Variants in EXOG observed in about 807,000 individuals in gnomAD.
EXOG encodes nuclease EXOG, mitochondrial.
A neutral mutation model predicts 25.8 loss-of-function variants in EXOG; 27 were observed. The observed-to-expected ratio is 1.05, with a 90% CI of 0.77 to 1.45. EXOG has a LOEUF of 1.45. Ranked by LOEUF, EXOG falls within the 40% of genes most tolerant of loss-of-function variation. The pLI, the probability that EXOG is intolerant of heterozygous loss-of-function variation, is 0.00. For missense variants in EXOG, 458 were observed against 450.5 expected (o/e 1.02, Z -0.15); for synonymous variants, 133 against 167.0 (o/e 0.80, Z 1.57).
In EXOG at chr3:38,496,738, C is replaced by T. The variant is rs1219749064; in HGVS notation, c.163+208C>T. ...GCTTCCCTCATGTCCTTCCTTCCCCCGGGCATCTTCGTTTTCTGCACAGAA... is the reference window on the plus strand; with the variant it reads ...GCTTCCCTCATGTCCTTCCTTCCCCTGGGCATCTTCGTTTTCTGCACAGAA... On this transcript the variant is annotated intron_variant, in intron 1 of 5. Transcript: ENST00000287675. 11 of 1,446,692 alleles carry T rather than the reference C, an allele frequency of 7.6e-6. No homozygotes were observed. The East Asian group carries it at 1.3e-4, about 17-fold the overall frequency. 89.6% of individuals were successfully genotyped at this position (1,446,692 alleles called of 1,614,324 possible).
intron 5 of EXOG, among the ~76,000 whole-genome samples, chr3:38,521,494 G>GC (rs2060713468): frequency 6.6e-6 from 1 of 152,192 alleles, no homozygotes. Flanking sequence ...TTTGAAAATT[G>GC]CCGTTTGTTT....
At chr3:38,508,109 C>T (rs1476515574) in intron 5 of EXOG, among the ~76,000 whole-genome samples, 2 of 151,938 alleles carry the variant, frequency 1.3e-5, no homozygotes, top group South Asian at 2.1e-4. Flanking sequence ...CCAGCCTGGG[C>T]GACAGAGCAA....
At position 38,496,805 on chromosome 3, in the gene EXOG, G is replaced by A. The variant is rs1024181787; in HGVS notation, c.163+275G>A. On this transcript the variant is annotated intron_variant, in intron 1 of 5. Coordinates refer to ENST00000287675, the MANE Select transcript of EXOG (RefSeq NM_005107.4). The stretch of plus-strand genomic sequence containing the variant: ...ACTTTCTTCCCCCCAGTTACTCATC[G>A]CGATATCTATGTTTTAATGTCTGTG... 4.9e-6 allele frequency: 7 copies of A among 1,414,210 alleles called. No individual in the cohort carries two copies. The Admixed American group carries it at 7.3e-5, about 15-fold the overall frequency. 87.6% of individuals were successfully genotyped at this position (1,414,210 alleles called of 1,614,324 possible). A position where few individuals can be genotyped will look rare whatever the true frequency, so the allele number is the denominator to read the frequency against.
chr3:38,519,651 C>T (rs1050181549), intron 5 of EXOG, among the ~76,000 whole-genome samples: 2 of 151,972 alleles, frequency 1.3e-5, no homozygotes, highest in African/African-American at 4.8e-5. Flanking sequence ...TGGTTGTCTC[C>T]CTACCCTCAC....
intron 5 of EXOG, among the ~76,000 whole-genome samples, chr3:38,517,036 C>T (rs2060567046): frequency 1.3e-5 from 2 of 152,144 alleles, no homozygotes; most frequent in South Asian, 4.2e-4. Context: ...CACCATTTCC[C>T]CCTTTGGAAT....
At chr3:38,519,156 A>T (rs914547868) in intron 5 of EXOG, 4 of 152,252 alleles carry the variant, frequency 2.6e-5, no homozygotes, top group African/African-American at 9.6e-5. Context: ...TCACATCATC[A>T]TAGAACTTGA....
At chr3:38,506,766 G>A in intron 4 of EXOG, 88 bp from the exon 5 acceptor site, 1 of 540,886 alleles carries the variant, frequency 1.8e-6, no homozygotes, top group Non-Finnish European at 3.3e-6. Context: ...AGTTTTTCTT[G>A]GTATCTTTCA....
intron 2 of EXOG, chr3:38,498,684 A>G (rs2059962888): frequency 3.7e-6 from 1 of 272,432 alleles, no homozygotes; most frequent in African/African-American, 2.2e-5. Flanking sequence ...GTGCCATGGG[A>G]TATGGAGAAG....
At chr3:38,509,888 T>C (rs964316993) in intron 5 of EXOG, among the ~76,000 whole-genome samples, 20 of 152,220 alleles carry the variant, frequency 1.3e-4, no homozygotes, top group Non-Finnish European at 5.9e-5. Context: ...GAAAGAGTTA[T>C]ACAAATCATT....
intron 4 of EXOG, among the ~76,000 whole-genome samples, chr3:38,506,621 A>G (rs1016909194): frequency 2.0e-5 from 3 of 152,242 alleles, no homozygotes; most frequent in East Asian, 1.9e-4. Flanking sequence ...CTGAGCGCAC[A>G]TAAAGAAAAA....
At chr3:38,498,805 G>C (rs1320955597) in intron 2 of EXOG, 2 of 400,562 alleles carry the variant, frequency 5.0e-6, no homozygotes, top group Non-Finnish European at 1.0e-5. Context: ...GAGGGGGAAG[G>C]TGATGTGAAA....
At position 38,525,139 on chromosome 3, in the gene EXOG, A is replaced by G. The variant is rs1376220651; in HGVS notation, c.*777A>G. 1.1e-6 allele frequency: 1 copy of G among 926,646 alleles called. No homozygotes were observed. Among genetic ancestry groups the G allele is most frequent in the Non-Finnish European group, 1.3e-6 (1 of 776,912 alleles). 57.4% of individuals were successfully genotyped at this position (926,646 alleles called of 1,614,324 possible). The stretch of plus-strand genomic sequence containing the variant: ...CTATATACTAGGCTCAGTGCTTTAC[A>G]TGTGTTGTCTCACAATGACTCTCTG... On this transcript the variant is annotated 3_prime_UTR_variant, in exon 6 of 6. Coordinates refer to ENST00000287675, the MANE Select transcript of EXOG (RefSeq NM_005107.4).
chr3:38,524,419 G>A lies in EXOG; in HGVS notation c.*57G>A, dbSNP rs1018632773. On this transcript the variant is annotated 3_prime_UTR_variant, in exon 6 of 6. Transcript: ENST00000287675. ...AATGAAGCAGGCATGCCCTCTTTAG[G>A]CTAACATATTTTAGTGGCTTTGCTT... 64 of 1,515,182 alleles carry A rather than the reference G, an allele frequency of 4.2e-5. No individual in the cohort carries two copies. The highest frequency in any genetic ancestry group is 4.4e-6 in the Non-Finnish European group (5 of 1,135,990). 93.9% of individuals were successfully genotyped at this position (1,515,182 alleles called of 1,614,324 possible).
intron 5 of EXOG, among the ~76,000 whole-genome samples, chr3:38,522,493 A>G (rs2060748125): frequency 6.6e-6 from 1 of 152,128 alleles, no homozygotes; most frequent in South Asian, 2.1e-4. Context: ...TTTTCAAAAA[A>G]GCCTTTTTGT....
intron 2 of EXOG, chr3:38,499,651 T>A: frequency 2.2e-6 from 1 of 453,866 alleles, no homozygotes. Context: ...TACCTTTTTT[T>A]TTGAGATGGA....
intron 1 of EXOG, 79 bp from the exon 2 acceptor site, chr3:38,497,550 T>C (rs1183619768): frequency 6.7e-7 from 1 of 1,482,108 alleles, no homozygotes. Flanking sequence ...TTATAATCTT[T>C]CATTATTAAG....
At chr3:38,523,262 T>A in intron 5 of EXOG, 2 of 1,288,076 alleles carry the variant, frequency 1.6e-6, no homozygotes, top group Non-Finnish European at 2.0e-6. Flanking sequence ...AATGACAGCT[T>A]TTCTTGTCTA....
intron 4 of EXOG, among the ~76,000 whole-genome samples, chr3:38,504,855 T>G (rs1428425624): frequency 3.3e-5 from 5 of 152,214 alleles, no homozygotes; most frequent in African/African-American, 1.2e-4. Context: ...TCTTTCAGGC[T>G]ATTGTGTTTT....
rs1379880044 is a variant in EXOG at position 38,523,217 on chromosome 3, G to A, written c.646-684G>A. On this transcript the variant is annotated intron_variant, in intron 5 of 5. Coordinates refer to ENST00000287675, the MANE Select transcript of EXOG (RefSeq NM_005107.4). ...TGCAGTTTTGACCTTTGAATGTTTG[G>A]AGCACCAGAAGTTCTGATTATGAGA... The A allele has an allele frequency of 3.1e-6, 4 of 1,289,268 alleles. No homozygotes were observed. The African/African-American group carries it at 4.6e-5, about 15-fold the overall frequency. 79.9% of individuals were successfully genotyped at this position (1,289,268 alleles called of 1,614,324 possible).
Sources: allele counts gnomAD v4.1 joint callset (sites outside exome capture counted in the v4.1 genomes callset), GRCh38; gene constraint gnomAD v4.1.1; transcripts MANE v1.5; gene names NCBI Gene and HGNC (gene_info 2026-07-23, HGNC 2026-07-21).